ERP29: variants seen among roughly 807,000 people sequenced by gnomAD.
ERP29 encodes the protein endoplasmic reticulum protein 29, also known as endoplasmic reticulum resident protein 29.
ERP29 carries 14 observed loss-of-function variants against 21.7 expected under a neutral mutation model. That is an observed-to-expected ratio of 0.64 (90% CI 0.43 to 1.01). The LOEUF is 1.01. ERP29 is among the 50% of genes least tolerant of loss of function. The pLI, the probability that ERP29 is intolerant of heterozygous loss-of-function variation, is 0.00. For missense variants in ERP29, 286 were observed against 327.3 expected (o/e 0.87, Z 0.97); for synonymous variants, 129 against 139.1 (o/e 0.93, Z 0.51).
chr12:112,014,165 T>C (rs1484283013), intron 1 of ERP29, among the ~76,000 whole-genome samples: 1 of 152,186 alleles, frequency 6.6e-6, no homozygotes, highest in Non-Finnish European at 1.5e-5. Context: ...TCAGCCACCC[T>C]GTAAAGCAGG....
At chr12:112,016,286 G>C (rs750525131) in intron 1 of ERP29, among the ~76,000 whole-genome samples, 1 of 152,200 alleles carries the variant, frequency 6.6e-6, no homozygotes, top group East Asian at 1.9e-4. Context: ...AAAAGGAAAT[G>C]TACTAGTGTT....
intron 1 of ERP29, among the ~76,000 whole-genome samples, chr12:112,015,807 C>G (rs1345948496): frequency 6.6e-6 from 1 of 152,196 alleles, no homozygotes; most frequent in Non-Finnish European, 1.5e-5. Context: ...CCTGGCTTCC[C>G]TCTCATCTCC....
In ERP29 at chr12:112,013,470, C is replaced by T; in HGVS notation, c.5C>T (p.Ala2Val). MAAAVPRAAFLS... is the reference protein window; with the variant it reads MVAAVPRAAFLS... ...CCTCTGCAGGAACCCGGCGATATGG[C>T]TGCCGCTGTGCCCCGCGCCGCATTT... The change falls in exon 1 of 3, where the codon GCT becomes GTT. Residue 2 changes from alanine (A) to valine (V), a missense_variant. Ala to Val is a moderately conservative substitution (Grantham distance 64). Coordinates refer to ENST00000261735, the MANE Select transcript of ERP29 (RefSeq NM_006817.4). 2 of 1,611,380 alleles carry T rather than the reference C, an allele frequency of 1.2e-6. No individual in the cohort carries two copies. Among genetic ancestry groups the T allele is most frequent in the East Asian group, 2.2e-5 (1 of 44,752 alleles).
Position 112,013,593 on chromosome 12 carries a change from C to T in ERP29, c.128C>T (p.Thr43Met), listed in dbSNP as rs1300496866. The change falls in exon 1 of 3, where the codon ACG becomes ATG. Residue 43 changes from threonine (T) to methionine (M), a missense_variant. Thr to Met is a moderately conservative substitution (Grantham distance 81). Transcript: ENST00000261735. ...LHTKGALPLD[T>M]VTFYKVIPKS... is the part of the protein sequence containing the mutation. The stretch of plus-strand genomic sequence containing the variant: ...ACCAAGGGCGCCCTTCCCCTGGATA[C>T]GGTCACTTTCTACAAGGTAACCGGG... The T allele has an allele frequency of 4.4e-6, 7 of 1,598,544 alleles. No homozygotes were observed. The highest frequency in any genetic ancestry group is 1.4e-5 in the African/African-American group (1 of 73,946).
intron 1 of ERP29, among the ~76,000 whole-genome samples, chr12:112,016,583 G>A (rs1226745508): frequency 6.6e-6 from 1 of 152,214 alleles, no homozygotes; most frequent in Non-Finnish European, 1.5e-5. Context: ...GACACCAAGG[G>A]CTGGTAGGAA....
rs1400515264 is a variant in ERP29 at position 112,023,064 on chromosome 12, GTA to G, written c.*415_*416del. The G allele has an allele frequency of 6.1e-6, 1 of 164,558 alleles. No individual in the cohort carries two copies. The allele number at this position is 164,558 out of a possible 1,614,324, so 10.2% of individuals were successfully genotyped here. On this transcript the variant is annotated 3_prime_UTR_variant, in exon 3 of 3. Transcript: ENST00000261735. ...TGCTTTCCTCTTTGAATCTAAGCTGGTATAGACTCCACTTTCCCAGGGTAACA... is the reference window on the plus strand; with the variant it reads ...TGCTTTCCTCTTTGAATCTAAGCTGGTAGACTCCACTTTCCCAGGGTAACA...
At chr12:112,016,151 A>G (rs1268106833) in intron 1 of ERP29, among the ~76,000 whole-genome samples, 1 of 152,202 alleles carries the variant, frequency 6.6e-6, no homozygotes, top group Non-Finnish European at 1.5e-5. Context: ...TTTGTTCCTG[A>G]TCGTCTGCGC....
Position 112,022,637 on chromosome 12 carries a change from G to T in ERP29, c.771G>T (p.Glu257Asp), listed in dbSNP as rs746335215. The T allele has an allele frequency of 1.2e-6, 2 of 1,609,214 alleles. No homozygotes were observed. Among genetic ancestry groups the T allele is most frequent in the South Asian group, 2.2e-5 (2 of 90,512 alleles). ...ILTAFQKKGA[E>D]KEEL ...CTGCCTTCCAGAAGAAGGGGGCCGA[G>T]AAAGAGGAGCTGTAAAAAGGCTGTC... is the stretch of plus-strand genomic sequence containing the variant. The change falls in exon 3 of 3, where the codon GAG becomes GAT. Residue 257 changes from glutamate to aspartate, a missense_variant. Coordinates refer to ENST00000261735, the MANE Select transcript of ERP29 (RefSeq NM_006817.4).
chr12:112,018,995 A>AGAC (rs1377660724), intron 1 of ERP29: 1 of 152,260 alleles, frequency 6.6e-6, no homozygotes, highest in Non-Finnish European at 1.5e-5. Context: ...GGGAGGAGGA[A>AGAC]GACTGGGGAG....
At position 112,023,083 on chromosome 12, in the gene ERP29, A is replaced by G. The variant is rs1437767525; in HGVS notation, c.*431A>G. On this transcript the variant is annotated 3_prime_UTR_variant, in exon 3 of 3. Coordinates refer to ENST00000261735, the MANE Select transcript of ERP29 (RefSeq NM_006817.4). ...AAGCTGGTATAGACTCCACTTTCCC[A>G]GGGTAACAAACTATCCTCATAACAC... 1 of 160,836 alleles carries G rather than the reference A, an allele frequency of 6.2e-6. No homozygotes were observed. The highest frequency in any genetic ancestry group is 1.4e-5 in the Non-Finnish European group (1 of 73,482). The allele number at this position is 160,836 out of a possible 1,614,324, so 10.0% of individuals were successfully genotyped here.
chr12:112,018,015 C>A, intron 1 of ERP29, among the ~76,000 whole-genome samples: 1 of 152,012 alleles, frequency 6.6e-6, no homozygotes, highest in East Asian at 1.9e-4. Context: ...CAACTCCTGA[C>A]CTCAGGTGAT....
At chr12:112,015,840 T>C (rs2078008894) in intron 1 of ERP29, among the ~76,000 whole-genome samples, 1 of 152,242 alleles carries the variant, frequency 6.6e-6, no homozygotes, top group Non-Finnish European at 1.5e-5. Context: ...TACTGTCTTT[T>C]GAATATTCCT....
chr12:112,018,087 G>A (rs2078024203), intron 1 of ERP29, among the ~76,000 whole-genome samples: 1 of 151,728 alleles, frequency 6.6e-6, no homozygotes, highest in Non-Finnish European at 1.5e-5. Context: ...GCCCAGTCCA[G>A]AACATTGTAT....
At chr12:112,019,106 T>C (rs1045239382) in intron 1 of ERP29, 1 of 158,500 alleles carries the variant, frequency 6.3e-6, no homozygotes, top group Non-Finnish European at 1.4e-5. Flanking sequence ...CACTGAATCA[T>C]GCAGAATGTA....
intron 1 of ERP29, among the ~76,000 whole-genome samples, chr12:112,014,332 C>T (rs1297283432): frequency 1.3e-5 from 2 of 152,212 alleles, no homozygotes; most frequent in Non-Finnish European, 2.9e-5. Context: ...TTATTGTGAA[C>T]TACGCATGTG....
rs1196767172 is a variant in ERP29, at chr12:112,022,947, G to A, written c.*295G>A. ...TGTACTGCCCAGGTCTTTGACAGATGTAATTCTCATTCAATTAAAGTTTCA... is the reference window on the plus strand; with the variant it reads ...TGTACTGCCCAGGTCTTTGACAGATATAATTCTCATTCAATTAAAGTTTCA... On this transcript the variant is annotated 3_prime_UTR_variant, in exon 3 of 3. Coordinates refer to ENST00000261735, the MANE Select transcript of ERP29 (RefSeq NM_006817.4). 1 of 292,596 alleles carries A rather than the reference G, an allele frequency of 3.4e-6. No homozygotes were observed. Among genetic ancestry groups the A allele is most frequent in the Non-Finnish European group, 6.3e-6 (1 of 158,454 alleles). The allele number at this position is 292,596 out of a possible 1,614,324, so 18.1% of individuals were successfully genotyped here.
Position 112,013,608 on chromosome 12 carries a change from A to G in ERP29, c.143A>G (p.Lys48Arg). The G allele has an allele frequency of 6.3e-7, 1 of 1,577,900 alleles. No individual in the cohort carries two copies. The highest frequency in any genetic ancestry group is 8.6e-7 in the Non-Finnish European group (1 of 1,163,470). The change falls in exon 1 of 3, where the codon AAG (lysine) becomes AGG (arginine). Residue 48 changes from lysine to arginine, a missense_variant and splice_region_variant. By Grantham distance (26) the Lys-to-Arg change is conservative. Transcript: ENST00000261735. ...CCCCTGGATACGGTCACTTTCTACA[A>G]GGTAACCGGGGCGGGGGACGTCGCG... ...ALPLDTVTFY[K>R]VIPKSKFVLV... is the part of the protein sequence containing the mutation.
intron 1 of ERP29, among the ~76,000 whole-genome samples, chr12:112,017,586 T>C (rs1158338281): frequency 6.6e-6 from 1 of 152,058 alleles, no homozygotes; most frequent in African/African-American, 2.4e-5. Context: ...AGGGATGTGA[T>C]CTTATTTGTA....
chr12:112,016,205 T>C (rs1272517391), intron 1 of ERP29, among the ~76,000 whole-genome samples: 3 of 152,254 alleles, frequency 2.0e-5, no homozygotes, highest in Non-Finnish European at 4.4e-5. Flanking sequence ...ACAATAACTA[T>C]TTTGTTGCGT....
Sources: allele counts gnomAD v4.1 joint callset (sites outside exome capture counted in the v4.1 genomes callset), GRCh38; gene constraint gnomAD v4.1.1; transcripts MANE v1.5; gene names NCBI Gene and HGNC (gene_info 2026-07-23, HGNC 2026-07-21).